CCDC171: variants seen among roughly 807,000 people sequenced by gnomAD.
The protein encoded by CCDC171 is coiled-coil domain-containing protein 171.
CCDC171 carries 177 observed loss-of-function variants against 168.2 expected under a neutral mutation model. The ratio of observed to expected loss-of-function variants is 1.05; its 90% CI spans 0.93 to 1.19. CCDC171 has a LOEUF of 1.19. CCDC171 is among the 50% of genes most tolerant of loss of function. The pLI is 0.00. For synonymous variants in CCDC171, 687 were observed against 540.8 expected (o/e 1.27, Z -3.75); for missense variants, 1,991 against 1,539.0 (o/e 1.29, Z -4.91).
At chr9:15,720,832 C>T (rs1021834428) in intron 11 of CCDC171, among the ~76,000 whole-genome samples, 8 of 152,116 alleles carry the variant, frequency 5.3e-5, no homozygotes, top group African/African-American at 1.9e-4. Flanking sequence ...AATGCTATCC[C>T]TCCTCCCTCC....
At chr9:15,913,284 C>T (rs1208518164) in intron 24 of CCDC171, among the ~76,000 whole-genome samples, 1 of 152,124 alleles carries the variant, frequency 6.6e-6, no homozygotes, top group African/African-American at 2.4e-5. Flanking sequence ...GGAATTTATC[C>T]ATGTCATCTA....
At chr9:15,616,673 G>A (rs971771902) in intron 6 of CCDC171, among the ~76,000 whole-genome samples, 2 of 152,136 alleles carry the variant, frequency 1.3e-5, no homozygotes, top group African/African-American at 2.4e-5. Context: ...AACAGTGACT[G>A]AATTAATACT....
chr9:15,927,720 T>G (rs563965986), intron 25 of CCDC171, among the ~76,000 whole-genome samples: 19 of 151,652 alleles, frequency 1.3e-4, no homozygotes, highest in Non-Finnish European at 1.9e-4. Context: ...TTGGTTCAGT[T>G]AAGATGAAAA....
chr9:15,778,860 C>A, intron 19 of CCDC171, 108 bp from the exon 20 acceptor site: 1 of 734,850 alleles, frequency 1.4e-6, no homozygotes, highest in African/African-American at 1.8e-5. Flanking sequence ...TAATAGCTAG[C>A]ACTGGTTTTT....
intron 23 of CCDC171, among the ~76,000 whole-genome samples, chr9:15,870,113 C>T (rs925537955): frequency 9.4e-6 from 1 of 105,878 alleles, no homozygotes; most frequent in Non-Finnish European, 2.2e-5. Context: ...TCTAATAAAA[C>T]TTTATTTATA....
At chr9:15,622,134 G>T (rs560535518) in intron 6 of CCDC171, among the ~76,000 whole-genome samples, 19 of 152,256 alleles carry the variant, frequency 1.2e-4, no homozygotes, top group African/African-American at 4.6e-4. Flanking sequence ...CTGCCTGAGG[G>T]TGGAGAGTGG....
chr9:15,965,105 G>T (rs1338594683), intron 25 of CCDC171, among the ~76,000 whole-genome samples: 4 of 152,106 alleles, frequency 2.6e-5, no homozygotes, highest in Non-Finnish European at 5.9e-5. Context: ...GCCTCATTTT[G>T]TCTCTGAATA....
intron 24 of CCDC171, among the ~76,000 whole-genome samples, chr9:15,878,185 A>G (rs1162634536): frequency 6.6e-6 from 1 of 152,150 alleles, no homozygotes; most frequent in African/African-American, 2.4e-5. Context: ...TCAACAGAGT[A>G]AACAGACAAC....
intron 21 of CCDC171, among the ~76,000 whole-genome samples, chr9:15,801,848 C>G (rs967713577): frequency 6.6e-6 from 1 of 151,932 alleles, no homozygotes; most frequent in African/African-American, 2.4e-5. Flanking sequence ...TGAATTTTAT[C>G]AAATGCTTCT....
intron 3 of CCDC171, among the ~76,000 whole-genome samples, chr9:15,980,941 A>G (rs1184679543): frequency 6.6e-6 from 1 of 152,088 alleles, no homozygotes; most frequent in African/African-American, 2.4e-5. Context: ...GTGGTTGGGA[A>G]GCCTCACAAT....
chr9:15,988,331 C>T (rs576385444), intron 3 of CCDC171, among the ~76,000 whole-genome samples: 2 of 152,288 alleles, frequency 1.3e-5, no homozygotes, highest in East Asian at 1.9e-4. Context: ...AGTGAGTCCT[C>T]AAGGGATGAC....
At chr9:15,931,695 C>T (rs1826536994) in intron 25 of CCDC171, among the ~76,000 whole-genome samples, 1 of 151,364 alleles carries the variant, frequency 6.6e-6, no homozygotes, top group South Asian at 2.1e-4. Context: ...AATTCTTCCC[C>T]AACCCAATAT....
chr9:15,709,706 T>C (rs1183138766), intron 11 of CCDC171, among the ~76,000 whole-genome samples: 1 of 152,182 alleles, frequency 6.6e-6, no homozygotes, highest in Admixed American at 6.5e-5. Flanking sequence ...GTGTTACCTA[T>C]AAGAGCAGAA....
chr9:15,837,526 T>C (rs1369513241), intron 21 of CCDC171, among the ~76,000 whole-genome samples: 1 of 152,214 alleles, frequency 6.6e-6, no homozygotes, highest in African/African-American at 2.4e-5. Flanking sequence ...AGAATATATA[T>C]TTTTCAACTA....
intron 6 of CCDC171, among the ~76,000 whole-genome samples, chr9:16,026,591 TG>T (rs1194342381): frequency 6.6e-6 from 1 of 152,174 alleles, no homozygotes; most frequent in Non-Finnish European, 1.5e-5. Context: ...CAGTTGATAA[TG>T]GGAGAAATAT....
At chr9:16,018,341 A>G (rs1833082429) in intron 3 of CCDC171, among the ~76,000 whole-genome samples, 1 of 152,224 alleles carries the variant, frequency 6.6e-6, no homozygotes, top group Admixed American at 6.5e-5. Flanking sequence ...ATGATTCCAT[A>G]TACTCCCACA....
At chr9:15,759,132 C>T (rs1414400669) in intron 18 of CCDC171, among the ~76,000 whole-genome samples, 1 of 152,138 alleles carries the variant, frequency 6.6e-6, no homozygotes, top group East Asian at 1.9e-4. Context: ...CAGCCTTCCT[C>T]CTTTCCTCCT....
the CCDC171 span, among the ~76,000 whole-genome samples, chr9:16,106,778 A>G: frequency 1.3e-5 from 2 of 152,136 alleles, no homozygotes; most frequent in Non-Finnish European, 2.9e-5. Flanking sequence ...TAAATGCTAG[A>G]GAATTTAATC....
At chr9:15,714,866 T>G (rs1412746956) in intron 11 of CCDC171, among the ~76,000 whole-genome samples, 5 of 152,310 alleles carry the variant, frequency 3.3e-5, no homozygotes, top group Admixed American at 1.3e-4. Flanking sequence ...TGCTGCCCAT[T>G]TATTTTGGTT....
Sources: allele counts gnomAD v4.1 joint callset (sites outside exome capture counted in the v4.1 genomes callset), GRCh38; gene constraint gnomAD v4.1.1; transcripts MANE v1.5; gene names NCBI Gene and HGNC (gene_info 2026-07-23, HGNC 2026-07-21).